FKTN: variants seen among roughly 807,000 people sequenced by gnomAD.
FKTN encodes fukutin.
In FKTN, 47 loss-of-function variants were observed where a neutral mutation model predicts 58.6. The ratio of observed to expected loss-of-function variants is 0.80; its 90% confidence interval spans 0.63 to 1.02. The LOEUF is 1.02. Among genes scored for constraint, FKTN ranks in the 50% least tolerant of loss-of-function variants. FKTN has a pLI of 0.00. For synonymous variants in FKTN, 178 were observed against 191.9 expected (o/e 0.93, Z 0.60); for missense variants, 516 against 537.3 (o/e 0.96, Z 0.39).
rs1482714808 is a variant in FKTN, at chr9:105,577,634, AT to A, written c.105+2499del. Among the ~76,000 whole-genome samples the A allele has an allele frequency of 8.9e-4, 133 of 150,120 alleles. 2 individuals carry two copies. The highest frequency in any genetic ancestry group is 3.3e-3 in the African/African-American group (132 of 39,888). On this transcript the variant is annotated intron_variant, in intron 3 of 10. Coordinates refer to ENST00000357998, the MANE Select transcript of FKTN (RefSeq NM_001079802.2). ...TCCAGCTTTGTTCTTTTGGCTTAGG[AT>A]TGACTTGGCGATGCGGGCTCTTTTT...
At chr9:105,581,730 G>T (rs868511899) in intron 3 of FKTN, among the ~76,000 whole-genome samples, 108 of 152,332 alleles carry the variant, frequency 7.1e-4, no homozygotes, top group African/African-American at 2.3e-3. Context: ...GTTTACCTAA[G>T]CAAGCCTGGG....
rs147522044 is a variant in FKTN at position 105,570,142 on chromosome 9, CT to C, written c.-180-3503del. Reference sequence around the variant, plus strand: ...AGGGGCTTTAAACTCTTTTAAAAATCTTTTTTTTTTATATTTCAAATTCTGT... The same window carrying C: ...AGGGGCTTTAAACTCTTTTAAAAATCTTTTTTTTTATATTTCAAATTCTGT... On this transcript the variant is annotated intron_variant, in intron 1 of 10. Transcript: ENST00000357998. Among the ~76,000 whole-genome samples the C allele has an allele frequency of 2.5e-4, 37 of 148,248 alleles. 3 individuals carry two copies. Among genetic ancestry groups the C allele is most frequent in the Admixed American group, 1.1e-3 (16 of 14,812 alleles).
chr9:105,566,402 G>A (rs1771253869), intron 1 of FKTN, among the ~76,000 whole-genome samples: 1 of 151,956 alleles, frequency 6.6e-6, no homozygotes, highest in African/African-American at 2.4e-5. Context: ...TAGACCACTA[G>A]CAAGACTAAT....
chr9:105,633,814 C>T (rs778657053), intron 10 of FKTN, among the ~76,000 whole-genome samples: 5 of 152,094 alleles, frequency 3.3e-5, no homozygotes, highest in Non-Finnish European at 5.9e-5. Flanking sequence ...GAGAACTGAC[C>T]TTTTCTTGGA....
At chr9:105,559,053 G>T (rs746208899) in intron 1 of FKTN, among the ~76,000 whole-genome samples, 1 of 152,194 alleles carries the variant, frequency 6.6e-6, no homozygotes, top group Non-Finnish European at 1.5e-5. Context: ...AGAACAATAC[G>T]CAGGACTTGA....
At chr9:105,594,070 G>T (rs1826286124) in intron 3 of FKTN, among the ~76,000 whole-genome samples, 1 of 152,168 alleles carries the variant, frequency 6.6e-6, no homozygotes, top group South Asian at 2.1e-4. Context: ...TTTGTATACT[G>T]ATGGGAATGA....
chr9:105,563,410 A>T (rs1838683107), intron 1 of FKTN, among the ~76,000 whole-genome samples: 1 of 152,160 alleles, frequency 6.6e-6, no homozygotes, highest in African/African-American at 2.4e-5. Context: ...AGCCAAGGGA[A>T]GGGGGGACAA....
chr9:105,596,421 A>G (rs1233917921), intron 3 of FKTN, among the ~76,000 whole-genome samples, 177 bp from the exon 4 acceptor site: 2 of 152,166 alleles, frequency 1.3e-5, no homozygotes, highest in African/African-American at 4.8e-5. Context: ...TCCATCTTGG[A>G]TTTTTATATC....
chr9:105,634,134 T>C (rs1447698203), intron 10 of FKTN, among the ~76,000 whole-genome samples: 3 of 152,110 alleles, frequency 2.0e-5, no homozygotes, highest in African/African-American at 7.2e-5. Context: ...TTTCTGTTTG[T>C]TTTGTTTTTT....
chr9:105,638,716 A>T lies in FKTN; in HGVS notation c.*3452A>T. On this transcript the variant is annotated 3_prime_UTR_variant, in exon 11 of 11. Transcript: ENST00000357998. ...TTTTTTATCTGCTTGGCTGGAAAGG[A>T]GACTAGAGTATCTAGTTTTTAGTAT... 8 of 982,624 alleles carry T rather than the reference A, an allele frequency of 8.1e-6. No individual in the cohort carries two copies. The highest frequency in any genetic ancestry group is 9.7e-6 in the Non-Finnish European group (8 of 827,432). 60.9% of individuals were successfully genotyped at this position (982,624 alleles called of 1,614,324 possible).
chr9:105,601,082 G>T, intron 4 of FKTN, 63 bp from the exon 5 acceptor site: 1 of 912,986 alleles, frequency 1.1e-6, no homozygotes. Flanking sequence ...GAATTAAAAT[G>T]TTATAAAATA....
Position 105,639,677 on chromosome 9 carries a change from AT to A in FKTN, c.*4414del. 1.1e-6 allele frequency: 1 copy of A among 924,424 alleles called. No homozygotes were observed. Among genetic ancestry groups the A allele is most frequent in the Non-Finnish European group, 1.3e-6 (1 of 773,632 alleles). The allele number at this position is 924,424 out of a possible 1,614,324, so 57.3% of individuals were successfully genotyped here. The stretch of plus-strand genomic sequence containing the variant: ...ATTGTATCAAGTCATTAATACAATT[AT>A]ACATTAATTATATTACATTAATACA... On this transcript the variant is annotated 3_prime_UTR_variant, in exon 11 of 11. Coordinates refer to ENST00000357998, the MANE Select transcript of FKTN (RefSeq NM_001079802.2).
chr9:105,614,884 C>CTTTTTTTTTTTTTTTTTTTT (rs35592716), intron 7 of FKTN, among the ~76,000 whole-genome samples: 1 of 144,684 alleles, frequency 6.9e-6, no homozygotes, highest in Non-Finnish European at 1.5e-5. Context: ...TCCTTTCTTT[C>CTTTTTTTTTTTTTTTTTTTT]TTTTTTTTTT....
chr9:105,618,078 C>T lies in FKTN; in HGVS notation c.1030C>T (p.His344Tyr). 6.2e-7 allele frequency: 1 copy of T among 1,612,278 alleles called. No individual in the cohort carries two copies. ...AFQDAGLPLK[H>Y]KFGKVEDSLE... ...TCAGGATGCAGGACTTCCGCTCAAA[C>T]ACAAATTTGGGAAGGTCAGTAACAA... The change falls in exon 9 of 11, where the codon CAC (histidine) becomes TAC (tyrosine). Residue 344 changes from histidine to tyrosine, a missense_variant. By Grantham distance (83) the His-to-Tyr change is moderately conservative (BLOSUM62 2). Coordinates refer to ENST00000357998, the MANE Select transcript of FKTN (RefSeq NM_001079802.2).
chr9:105,572,401 A>G (rs1206934554), intron 1 of FKTN, among the ~76,000 whole-genome samples: 1 of 152,220 alleles, frequency 6.6e-6, no homozygotes, highest in African/African-American at 2.4e-5. Context: ...ACTGAGAGAA[A>G]GAGATGTAAT....
At chr9:105,562,316 G>C (rs1466073963) in intron 1 of FKTN, among the ~76,000 whole-genome samples, 2 of 152,200 alleles carry the variant, frequency 1.3e-5, no homozygotes, top group Admixed American at 1.3e-4. Context: ...GGGAATGAGG[G>C]CTGCTGGTTG....
intron 7 of FKTN, among the ~76,000 whole-genome samples, chr9:105,609,637 T>A (rs1261817327): frequency 6.6e-6 from 1 of 152,162 alleles, no homozygotes; most frequent in African/African-American, 2.4e-5. Flanking sequence ...GACTAATACT[T>A]TGGAAGATTA....
chr9:105,564,300 A>T (rs981269434), intron 1 of FKTN, among the ~76,000 whole-genome samples: 1 of 152,254 alleles, frequency 6.6e-6, no homozygotes, highest in African/African-American at 2.4e-5. Context: ...TGGATGGAGA[A>T]TGACTTCGAC....
intron 4 of FKTN, among the ~76,000 whole-genome samples, chr9:105,600,552 T>C (rs1827689373): frequency 6.6e-6 from 1 of 152,258 alleles, no homozygotes; most frequent in Middle Eastern, 3.4e-3. Flanking sequence ...GAGTTATATT[T>C]TGAAATATTG....
Sources: allele counts gnomAD v4.1 joint callset (sites outside exome capture counted in the v4.1 genomes callset), GRCh38; gene constraint gnomAD v4.1.1; transcripts MANE v1.5; gene names NCBI Gene and HGNC (gene_info 2026-07-23, HGNC 2026-07-21).